The following FHL2 variants were observed in gnomAD, a reference collection of about 807,000 sequenced individuals.
FHL2 encodes four and a half LIM domains protein 2.
Under a neutral mutation model 32.7 loss-of-function variants are expected in FHL2, and 20 were observed. The observed-to-expected ratio is 0.61, with a 90% CI of 0.43 to 0.89. The LOEUF (loss-of-function observed/expected upper bound fraction) is 0.89. FHL2 is among the 40% of genes least tolerant of loss of function. FHL2 has a pLI of 0.00. For synonymous variants in FHL2, 123 were observed against 128.1 expected (o/e 0.96, Z 0.27); for missense variants, 311 against 358.6 (o/e 0.87, Z 1.07).
intron 1 of FHL2, among the ~76,000 whole-genome samples, chr2:105,427,226 T>C (rs895587502): frequency 5.3e-5 from 8 of 152,222 alleles, no homozygotes; most frequent in African/African-American, 1.9e-4. Flanking sequence ...TAGAAAAATA[T>C]ACTGTCATGA....
At position 105,373,519 on chromosome 2, in the gene FHL2, G is replaced by A. The variant is rs748605730; in HGVS notation, c.331+40C>T. 5.0e-6 allele frequency: 8 copies of A among 1,611,400 alleles called. No individual in the cohort carries two copies. The South Asian group carries it at 7.7e-5, about 16-fold the overall frequency. On this transcript the variant is annotated intron_variant, in intron 4 of 6. Coordinates refer to ENST00000530340, the MANE Select transcript of FHL2 (RefSeq NM_001318895.3). ...CAGAGGAACGTGCACAAGGCTTGAA[G>A]CTAGACTGGCTCACGCATGAGAAAG...
intron 6 of FHL2, among the ~76,000 whole-genome samples, chr2:105,361,640 A>C (rs1004976615): frequency 3.9e-5 from 6 of 152,236 alleles, no homozygotes; most frequent in African/African-American, 1.4e-4. Context: ...CAGAAGAGAT[A>C]TATAAACTGG....
At chr2:105,428,228 A>T (rs1321242720) in intron 1 of FHL2, among the ~76,000 whole-genome samples, 1 of 152,092 alleles carries the variant, frequency 6.6e-6, no homozygotes, top group East Asian at 1.9e-4. Context: ...AAGTGAGTGG[A>T]GGTATGCGTA....
upstream of FHL2, among the ~76,000 whole-genome samples, chr2:105,401,391 C>T (rs1358038172): frequency 1.3e-5 from 2 of 152,150 alleles, no homozygotes; most frequent in Non-Finnish European, 2.9e-5. Context: ...TGTGGATAAT[C>T]GCTGAAGCTT....
In FHL2 at chr2:105,363,378, G is replaced by T. The variant is rs373259092; in HGVS notation, c.595C>A (p.Arg199Ser). 4 of 1,614,058 alleles carry T rather than the reference G, an allele frequency of 2.5e-6. No homozygotes were observed. Among genetic ancestry groups the T allele is most frequent in the Non-Finnish European group, 2.5e-6 (3 of 1,179,996 alleles). Residue 199 changes from arginine (R) to serine (S), a missense_variant, in exon 6 of 7, where the codon CGC (arginine) becomes AGC (serine). Transcript: ENST00000530340. ...TACRKQLSGQ[R>S]FTARDDFAYC... Reference sequence around the variant, plus strand: ...GCAAAGTCATCGCGAGCTGTGAAGCGCTGCCCAGACAGCTGCTTCCTGCAG... The same window carrying T: ...GCAAAGTCATCGCGAGCTGTGAAGCTCTGCCCAGACAGCTGCTTCCTGCAG...
At chr2:105,408,498 C>T (rs1320221637) in intron 1 of FHL2, among the ~76,000 whole-genome samples, 3 of 152,218 alleles carry the variant, frequency 2.0e-5, no homozygotes, top group Admixed American at 1.3e-4. Flanking sequence ...CCCTTCACAG[C>T]CTTCCCTTAC....
chr2:105,437,828 T>C (rs1212689498), intron 1 of FHL2, among the ~76,000 whole-genome samples: 1 of 152,226 alleles, frequency 6.6e-6, no homozygotes, highest in African/African-American at 2.4e-5. Context: ...CATTTCCTTT[T>C]TAAAGCATGC....
At chr2:105,419,446 A>T (rs1684034272) in intron 1 of FHL2, among the ~76,000 whole-genome samples, 1 of 152,188 alleles carries the variant, frequency 6.6e-6, no homozygotes, top group Non-Finnish European at 1.5e-5. Flanking sequence ...GAAGCAGCAA[A>T]TGCAGAAAAA....
At chr2:105,437,161 A>G (rs895901190) in intron 1 of FHL2, among the ~76,000 whole-genome samples, 3 of 152,346 alleles carry the variant, frequency 2.0e-5, no homozygotes, top group Admixed American at 6.5e-5. Context: ...GCAACTTTTC[A>G]TGGAAGTTAT....
chr2:105,435,969 A>C (rs1684597048), intron 1 of FHL2, among the ~76,000 whole-genome samples: 2 of 152,234 alleles, frequency 1.3e-5, no homozygotes, highest in African/African-American at 4.8e-5. Flanking sequence ...ATATGGTCTT[A>C]GTTCAGTTTA....
At chr2:105,397,054 T>A (rs998258638) in intron 1 of FHL2, 1 of 202,536 alleles carries the variant, frequency 4.9e-6, no homozygotes, top group African/African-American at 2.3e-5. Flanking sequence ...TTGGGCGTTT[T>A]TGACTGCAAT....
chr2:105,397,999 G>A (rs1369785356), intron 1 of FHL2, among the ~76,000 whole-genome samples: 1 of 152,022 alleles, frequency 6.6e-6, no homozygotes, highest in African/African-American at 2.4e-5. Flanking sequence ...GATGTATTGG[G>A]AGTTGTGTTT....
chr2:105,361,551 G>A, intron 6 of FHL2, 117 bp from the exon 7 acceptor site: 2 of 851,208 alleles, frequency 2.3e-6, no homozygotes, highest in Non-Finnish European at 1.8e-6. Context: ...TATGGATAAT[G>A]TGAATTTCTA....
chr2:105,436,720 ATAAT>A (rs1046874026), intron 1 of FHL2, among the ~76,000 whole-genome samples: 23 of 152,194 alleles, frequency 1.5e-4, no homozygotes, highest in Admixed American at 9.8e-4. Flanking sequence ...GAATGAATAA[ATAAT>A]TAAGATAAAC....
chr2:105,394,094 G>A (rs995027317), intron 2 of FHL2, among the ~76,000 whole-genome samples: 5 of 152,198 alleles, frequency 3.3e-5, no homozygotes, highest in African/African-American at 1.2e-4. Flanking sequence ...CTCACACCTG[G>A]AAATGTGCTC....
intron 5 of FHL2, among the ~76,000 whole-genome samples, chr2:105,365,539 A>T (rs1680568396): frequency 6.6e-6 from 1 of 152,164 alleles, no homozygotes; most frequent in South Asian, 2.1e-4. Context: ...AAACCAAAAT[A>T]AAAATAAAAA....
chr2:105,394,714 A>T (rs1464441765), intron 2 of FHL2, among the ~76,000 whole-genome samples: 1 of 152,250 alleles, frequency 6.6e-6, no homozygotes, highest in African/African-American at 2.4e-5. Context: ...AAGGTATAAA[A>T]TTGACTATGC....
intron 1 of FHL2, among the ~76,000 whole-genome samples, chr2:105,398,363 G>A (rs1171727804): frequency 1.3e-5 from 2 of 152,158 alleles, no homozygotes; most frequent in South Asian, 2.1e-4. Context: ...ATGTCTACCT[G>A]AGTCAAGGAG....
At chr2:105,380,264 C>T (rs1239914452) in intron 3 of FHL2, among the ~76,000 whole-genome samples, 4 of 152,162 alleles carry the variant, frequency 2.6e-5, no homozygotes, top group African/African-American at 4.8e-5. Flanking sequence ...GGCCTAGAAG[C>T]GAGATTGTCA....
Sources: gnomAD v4.1 joint callset for allele counts (sites outside exome capture counted in the v4.1 genomes callset) on GRCh38, gnomAD v4.1.1 for gene constraint, MANE v1.5 for transcripts, NCBI Gene and HGNC (gene_info 2026-07-23, HGNC 2026-07-21) for gene names.